Variants in TLCD3B observed in about 807,000 individuals in gnomAD.
TLCD3B encodes ceramide synthase.
In TLCD3B, 9 loss-of-function variants were observed where a neutral mutation model predicts 23.0. The observed-to-expected ratio is 0.39, with a 90% CI of 0.24 to 0.68. TLCD3B has a LOEUF of 0.68. TLCD3B is among the 30% of genes least tolerant of loss of function. The probability of loss-of-function intolerance (pLI) is 0.44; values close to 1 mark genes in which losing one functional copy is unlikely to be tolerated. For missense variants in TLCD3B, 307 were observed against 371.8 expected (o/e 0.83, Z 1.43); for synonymous variants, 161 against 161.0 (o/e 1.00, Z 0.00).
chr16:30,049,813 T>C (rs1473798414), intron 1 of TLCD3B, among the ~76,000 whole-genome samples: 1 of 151,596 alleles, frequency 6.6e-6, no homozygotes, highest in Non-Finnish European at 1.5e-5. Flanking sequence ...TAATCCCAGC[T>C]ATTTGGGAGG....
At position 30,025,267 on chromosome 16, in the gene TLCD3B, G is replaced by A. The variant is rs1293194948; in HGVS notation, c.741C>T (p.Tyr247=). Residue 247 remains tyrosine (Y), a synonymous_variant, in exon 5 of 5, where the codon TAC becomes TAT. Transcript: ENST00000380495. This position sits in a 1 kb window ranked among gnomAD's most constrained non-coding sequence, Gnocchi z 4.1. ...CCCCACGGCAGATGAGGAAGAACCA[G>A]TAGAGCTGAGGGGCCAGGAGCAGCG... ...GAALLLAPQL[Y]WFFLICRGAC... is the part of the protein sequence containing the mutation. The A allele has an allele frequency of 6.5e-7, 1 of 1,542,230 alleles. No homozygotes were observed. The highest frequency in any genetic ancestry group is 1.4e-5 in the African/African-American group (1 of 72,596).
At chr16:30,037,391 A>C (rs2071494209) in intron 3 of TLCD3B, among the ~76,000 whole-genome samples, 3 of 151,310 alleles carry the variant, frequency 2.0e-5, no homozygotes, top group African/African-American at 7.3e-5. Context: ...AAATACAAAA[A>C]ATTTAGCCAG....
chr16:30,032,221 C>G (rs750732200), upstream of TLCD3B, among the ~76,000 whole-genome samples: 1 of 152,172 alleles, frequency 6.6e-6, no homozygotes, highest in African/African-American at 2.4e-5. Flanking sequence ...ACACTGCCCC[C>G]TTTGACTTCT....
At chr16:30,050,276 C>T (rs912352520) in intron 1 of TLCD3B, among the ~76,000 whole-genome samples, 11 of 152,178 alleles carry the variant, frequency 7.2e-5, no homozygotes, top group African/African-American at 2.7e-4. Context: ...CAGTGGTTCA[C>T]GCTTGTAATC....
chr16:30,052,654 G>T (rs1048850729), intron 1 of TLCD3B: 1 of 151,690 alleles, frequency 6.6e-6, no homozygotes, highest in Non-Finnish European at 1.5e-5. Context: ...CCGAGATCGC[G>T]CCACTGCACT....
chr16:30,027,856 C>T (rs2071216071), intron 2 of TLCD3B: 2 of 338,136 alleles, frequency 5.9e-6, no homozygotes, highest in Admixed American at 3.8e-5. Context: ...AAAGCAGAGT[C>T]AGCCAGAAGC....
chr16:30,033,374 A>T (rs2150986748), upstream of TLCD3B: 1 of 152,432 alleles, frequency 6.6e-6, no homozygotes, highest in Non-Finnish European at 1.5e-5. Flanking sequence ...TACTCGATTG[A>T]GGACTACAAG....
rs1567300493 is a variant in TLCD3B, at chr16:30,029,410, G to A, written c.209+22C>T. The A allele has an allele frequency of 1.2e-6, 2 of 1,609,518 alleles. No individual in the cohort carries two copies. Among genetic ancestry groups the A allele is most frequent in the Non-Finnish European group, 8.5e-7 (1 of 1,176,322 alleles). On this transcript the variant is annotated intron_variant, in intron 2 of 4. Coordinates refer to ENST00000380495, the MANE Select transcript of TLCD3B (RefSeq NM_031478.6). This position sits in a 1 kb window ranked among gnomAD's most constrained non-coding sequence, Gnocchi z 4.6. ...ACGCCAACCACTGGCACCTGGGCAG[G>A]GGGGTGTCTCGCAGCACTTACTGGT...
upstream of TLCD3B, among the ~76,000 whole-genome samples, chr16:30,032,215 T>C (rs1005114090): frequency 4.6e-5 from 7 of 152,248 alleles, no homozygotes; most frequent in Middle Eastern, 6.8e-3. Flanking sequence ...CCAGAGACAC[T>C]GCCCCCTTTG....
upstream of TLCD3B, among the ~76,000 whole-genome samples, chr16:30,032,155 A>G (rs1251282414): frequency 6.6e-6 from 1 of 152,120 alleles, no homozygotes; most frequent in East Asian, 1.9e-4. Context: ...CTGGCCCATA[A>G]GGAAAGTGAG....
At chr16:30,052,248 A>C (rs1166064210) in intron 1 of TLCD3B, among the ~76,000 whole-genome samples, 2 of 151,830 alleles carry the variant, frequency 1.3e-5, no homozygotes, top group African/African-American at 4.8e-5. Flanking sequence ...GTCGCCTGTA[A>C]TCTCAGCTAC....
chr16:30,043,517 G>A (rs2071610764), intron 2 of TLCD3B, among the ~76,000 whole-genome samples: 1 of 151,600 alleles, frequency 6.6e-6, no homozygotes. Context: ...CACAAATCAC[G>A]TGTCAGGTGA....
Position 30,026,605 on chromosome 16 carries a change from T to C in TLCD3B, c.444+4A>G, listed in dbSNP as rs368888914. On this transcript the variant is annotated splice_donor_region_variant and intron_variant, in intron 3 of 4. Coordinates refer to ENST00000380495, the MANE Select transcript of TLCD3B (RefSeq NM_031478.6). Reference sequence around the variant, plus strand: ...CCCCGCCCGCCCAGCTCCCCGGGACTCACCACTGAGAGTGGGAAGCACACC... The same window carrying C: ...CCCCGCCCGCCCAGCTCCCCGGGACCCACCACTGAGAGTGGGAAGCACACC... 4 of 1,497,694 alleles carry C rather than the reference T, an allele frequency of 2.7e-6. No homozygotes were observed. The highest frequency in any genetic ancestry group is 3.7e-6 in the Non-Finnish European group (4 of 1,080,700). The allele number at this position is 1,497,694 out of a possible 1,614,324, so 92.8% of individuals were successfully genotyped here. A position where few individuals can be genotyped will look rare whatever the true frequency, so the allele number is the denominator to read the frequency against.
rs1375654708 is a variant in TLCD3B at position 30,025,408 on chromosome 16, G to A, written c.600C>T (p.Phe200=). Residue 200 remains phenylalanine (F), a synonymous_variant, in exon 5 of 5, where the codon TTC becomes TTT. Transcript: ENST00000380495. This position sits in a 1 kb window ranked among gnomAD's most constrained non-coding sequence, Gnocchi z 4.1. ...KVNGALMLLS[F]LCCRVLLFPY... is the part of the protein sequence containing the mutation. ...GAAAGAGCAGCACCCGGCAGCAGAG[G>A]AAGCTGAGCAGCATCAGGGCCCCGT... 6.2e-7 allele frequency: 1 copy of A among 1,611,954 alleles called. No individual in the cohort carries two copies. Among genetic ancestry groups the A allele is most frequent in the African/African-American group, 1.3e-5 (1 of 74,832 alleles).
At chr16:30,050,216 A>G (rs1314863810) in intron 1 of TLCD3B, among the ~76,000 whole-genome samples, 1 of 152,158 alleles carries the variant, frequency 6.6e-6, no homozygotes, top group Non-Finnish European at 1.5e-5. Context: ...ACTGGCCTCA[A>G]CTTGGTCCTC....
chr16:30,032,650 T>G (rs1341682873), upstream of TLCD3B: 3 of 147,950 alleles, frequency 2.0e-5, no homozygotes, highest in African/African-American at 5.0e-5. Context: ...GGGTTTTTTT[T>G]TTTTTTTTTT....
At chr16:30,030,181 G>C in intron 1 of TLCD3B, 1 of 1,421,262 alleles carries the variant, frequency 7.0e-7, no homozygotes, top group Non-Finnish European at 9.7e-7. Flanking sequence ...AGAGAGAGGC[G>C]GGCTGAACAC....
At position 30,025,146 on chromosome 16, in the gene TLCD3B, G is replaced by A. The variant is rs554564509; in HGVS notation, c.*37C>T. 13 of 1,298,578 alleles carry A rather than the reference G, an allele frequency of 1.0e-5. No homozygotes were observed. Among genetic ancestry groups the A allele is most frequent in the Admixed American group, 5.9e-5 (2 of 33,760 alleles). The allele number at this position is 1,298,578 out of a possible 1,614,324, so 80.4% of individuals were successfully genotyped here. A position where few individuals can be genotyped will look rare whatever the true frequency, so the allele number is the denominator to read the frequency against. Reference sequence around the variant, plus strand: ...GCCCCAGAGCCCTGTCTCCACGGGGGTGGGGGTGGGGAGGGGGAGGGTCCC... The same window carrying A: ...GCCCCAGAGCCCTGTCTCCACGGGGATGGGGGTGGGGAGGGGGAGGGTCCC... On this transcript the variant is annotated 3_prime_UTR_variant, in exon 5 of 5. Coordinates refer to ENST00000380495, the MANE Select transcript of TLCD3B (RefSeq NM_031478.6). This position sits in a 1 kb window ranked among gnomAD's most constrained non-coding sequence, Gnocchi z 4.1.
upstream of TLCD3B, chr16:30,036,099 G>A (rs1477489121): frequency 4.9e-6 from 6 of 1,232,262 alleles, no homozygotes; most frequent in Non-Finnish European, 5.2e-6. Flanking sequence ...TCCATCTTCT[G>A]CATGCCCCGC....
Sources: allele counts gnomAD v4.1 joint callset (sites outside exome capture counted in the v4.1 genomes callset), GRCh38; gene constraint gnomAD v4.1.1; non-coding constraint Gnocchi (gnomAD v3.1); transcripts MANE v1.5; gene names NCBI Gene and HGNC (gene_info 2026-07-23, HGNC 2026-07-21).